The following FAM24B variants were observed in gnomAD, a reference collection of about 807,000 sequenced individuals.
FAM24B encodes family with sequence similarity 24 member B.
FAM24B carries 3 observed loss-of-function variants against 2.3 expected under a neutral mutation model. The ratio of observed to expected loss-of-function variants is 1.29; its 90% confidence interval spans 0.59 to 3.32. The LOEUF (loss-of-function observed/expected upper bound fraction) is 3.32. FAM24B is among the 30% of genes most tolerant of loss of function. The pLI, the probability that FAM24B is intolerant of heterozygous loss-of-function variation, is 0.03. For missense variants in FAM24B, 98 were observed against 117.2 expected (o/e 0.84, Z 0.76); for synonymous variants, 36 against 46.3 (o/e 0.78, Z 0.90).
chr10:122,866,828 A>G (rs546020335), intron 1 of FAM24B, among the ~76,000 whole-genome samples: 1 of 152,280 alleles, frequency 6.6e-6, no homozygotes, highest in Admixed American at 6.5e-5. Context: ...ATAACAATTA[A>G]TACCCCTACA....
intron 1 of FAM24B, among the ~76,000 whole-genome samples, chr10:122,877,688 A>C (rs1847997712): frequency 6.6e-6 from 1 of 152,212 alleles, no homozygotes; most frequent in Non-Finnish European, 1.5e-5. Flanking sequence ...GATAATTTAA[A>C]CTATAGCCTA....
intron 1 of FAM24B, among the ~76,000 whole-genome samples, chr10:122,863,708 A>G (rs553736237): frequency 9.2e-5 from 14 of 152,314 alleles, no homozygotes; most frequent in African/African-American, 2.6e-4. Context: ...TCAAAACTTC[A>G]TTACCATCCA....
In FAM24B at chr10:122,877,039, C is replaced by CA. The variant is rs1420995677; in HGVS notation, c.-178+2445dup. Among the ~76,000 whole-genome samples the CA allele has an allele frequency of 9.9e-5, 15 of 151,888 alleles. No homozygotes were observed. The East Asian group carries it at 2.9e-3, about 29-fold the overall frequency. The stretch of plus-strand genomic sequence containing the variant: ...AAACTTCTCTTTAAAACAGTCAAGC[C>CA]AAAAAAATACATTGTGATATTGGTG... On this transcript the variant is annotated intron_variant, in intron 1 of 3. Coordinates refer to ENST00000368898, the MANE Select transcript of FAM24B (RefSeq NM_152644.3).
intron 1 of FAM24B, among the ~76,000 whole-genome samples, chr10:122,875,688 A>C (rs1428173349): frequency 6.6e-6 from 1 of 152,156 alleles, no homozygotes; most frequent in Non-Finnish European, 1.5e-5. Flanking sequence ...CTCCTTTTAA[A>C]TAAAATGTAG....
intron 1 of FAM24B, among the ~76,000 whole-genome samples, chr10:122,870,232 C>T (rs980273964): frequency 2.0e-5 from 3 of 152,136 alleles, no homozygotes; most frequent in African/African-American, 7.2e-5. Flanking sequence ...CAAGACTAAA[C>T]CAGAAAGAAG....
In FAM24B at chr10:122,850,449, A is replaced by G. The variant is rs1443483965; in HGVS notation, c.67T>C (p.Tyr23His). The G allele has an allele frequency of 1.2e-6, 2 of 1,614,114 alleles. No individual in the cohort carries two copies. Among genetic ancestry groups the G allele is most frequent in the Non-Finnish European group, 1.7e-6 (2 of 1,179,972 alleles). ...TTTAGCGCGTTGTGTATTTTGAAGTAAAGACAGAGCACGACAACTATCAGC... is the reference window on the plus strand; with the variant it reads ...TTTAGCGCGTTGTGTATTTTGAAGTGAAGACAGAGCACGACAACTATCAGC... Reference protein sequence around the residue: ...LLLIVVVLCLYFKIHNALKAA... With the variant: ...LLLIVVVLCLHFKIHNALKAA... The change falls in exon 3 of 4, where the codon TAC becomes CAC. Residue 23 changes from tyrosine to histidine, a missense_variant. Coordinates refer to ENST00000368898, the MANE Select transcript of FAM24B (RefSeq NM_152644.3).
At chr10:122,866,330 C>T (rs568661693) in intron 1 of FAM24B, among the ~76,000 whole-genome samples, 6 of 152,148 alleles carry the variant, frequency 3.9e-5, no homozygotes, top group African/African-American at 1.2e-4. Context: ...TTTCAAAGAA[C>T]CAGCTTTTGA....
At chr10:122,867,373 C>T (rs368619802) in intron 1 of FAM24B, among the ~76,000 whole-genome samples, 136 of 152,316 alleles carry the variant, frequency 8.9e-4, no homozygotes, top group African/African-American at 3.2e-3. Context: ...GGGCAGGGCA[C>T]AGACAAACAA....
intron 2 of FAM24B, among the ~76,000 whole-genome samples, chr10:122,853,189 A>G (rs185769218): frequency 1.4e-3 from 217 of 152,332 alleles, no homozygotes; most frequent in African/African-American, 5.0e-3. Flanking sequence ...ATCTCTTCCC[A>G]TAAGTGGAAG....
At chr10:122,849,674 A>G (rs569485649) in intron 3 of FAM24B, among the ~76,000 whole-genome samples, 2 of 152,178 alleles carry the variant, frequency 1.3e-5, no homozygotes, top group East Asian at 3.9e-4. Context: ...TTTTGCAAGC[A>G]AGGTCACCCA....
intron 1 of FAM24B, among the ~76,000 whole-genome samples, chr10:122,867,055 AC>A (rs1183192862): frequency 3.9e-5 from 6 of 152,236 alleles, no homozygotes. Flanking sequence ...AGATAAGGAT[AC>A]AAAATAGCTT....
intron 1 of FAM24B, among the ~76,000 whole-genome samples, chr10:122,868,410 T>G (rs1260330340): frequency 6.6e-6 from 1 of 152,078 alleles, no homozygotes; most frequent in Non-Finnish European, 1.5e-5. Context: ...AGGCCAACAT[T>G]CAAATTCAGG....
intron 1 of FAM24B, among the ~76,000 whole-genome samples, chr10:122,867,249 C>T (rs1033828235): frequency 7.9e-5 from 12 of 152,142 alleles, no homozygotes; most frequent in Admixed American, 6.6e-4. Context: ...GGGGGAGGGA[C>T]GCCCACCATT....
At chr10:122,872,679 C>G (rs545190531) in intron 1 of FAM24B, among the ~76,000 whole-genome samples, 46 of 152,008 alleles carry the variant, frequency 3.0e-4, no homozygotes, top group African/African-American at 1.1e-3. Context: ...AGCAAACTAT[C>G]GCAAGGACAG....
intron 1 of FAM24B, among the ~76,000 whole-genome samples, chr10:122,872,705 A>G (rs1243503494): frequency 4.6e-5 from 7 of 151,986 alleles, no homozygotes; most frequent in Admixed American, 2.0e-4. Context: ...CAAACACCGC[A>G]TGTTCTCACT....
intron 1 of FAM24B, among the ~76,000 whole-genome samples, chr10:122,871,287 G>A (rs1335229282): frequency 6.6e-6 from 1 of 151,920 alleles, no homozygotes; most frequent in Non-Finnish European, 1.5e-5. Flanking sequence ...AAATAAAAGA[G>A]GATACAAACA....
At chr10:122,876,226 ATTC>A (rs1277869247) in intron 1 of FAM24B, among the ~76,000 whole-genome samples, 1 of 152,172 alleles carries the variant, frequency 6.6e-6, no homozygotes, top group Non-Finnish European at 1.5e-5. Context: ...CCTTGGTCGA[ATTC>A]TTTCTTCTGA....
intron 1 of FAM24B, among the ~76,000 whole-genome samples, chr10:122,872,323 T>G (rs1383888341): frequency 2.0e-5 from 3 of 152,146 alleles, no homozygotes; most frequent in Admixed American, 1.3e-4. Flanking sequence ...CAGGAACACT[T>G]TTACACTGTT....
chr10:122,857,074 A>G (rs1847652662), intron 1 of FAM24B, among the ~76,000 whole-genome samples: 1 of 152,096 alleles, frequency 6.6e-6, no homozygotes, highest in African/African-American at 2.4e-5. Context: ...CAGGCCACCC[A>G]CTCACAGGCC....
Sources: gnomAD v4.1 joint callset for allele counts (sites outside exome capture counted in the v4.1 genomes callset) on GRCh38, gnomAD v4.1.1 for gene constraint, MANE v1.5 for transcripts, NCBI Gene and HGNC (gene_info 2026-07-23, HGNC 2026-07-21) for gene names.